Variants in VAPA observed in about 807,000 individuals in gnomAD.
The protein encoded by VAPA is VAMP associated protein A, also known as vesicle-associated membrane protein-associated protein A.
VAPA carries 6 observed loss-of-function variants against 25.6 expected under a neutral mutation model. That is an observed-to-expected ratio of 0.23 (90% CI 0.13 to 0.46). The LOEUF (loss-of-function observed/expected upper bound fraction) is 0.46, where lower values mean the gene tolerates loss of function less well. VAPA is among the 20% of genes least tolerant of loss of function. VAPA has a pLI of 0.99. For synonymous variants in VAPA, 112 were observed against 106.2 expected (o/e 1.05, Z -0.34); for missense variants, 244 against 302.1 (o/e 0.81, Z 1.43).
chr18:9,942,708 G>A (rs1398073876), intron 4 of VAPA, among the ~76,000 whole-genome samples: 2 of 152,106 alleles, frequency 1.3e-5, no homozygotes, highest in African/African-American at 2.4e-5. Flanking sequence ...GATGCCTCAC[G>A]TGGTGGGAAC....
At chr18:9,914,476 G>A (rs1192164326) in intron 1 of VAPA, 141 bp downstream of exon 1, 7 of 671,594 alleles carry the variant, frequency 1.0e-5, no homozygotes, top group Non-Finnish European at 1.6e-5. Flanking sequence ...CCCTTTCCCG[G>A]CTGCTTTCTT....
At chr18:9,938,713 T>C (rs954204160) in intron 4 of VAPA, among the ~76,000 whole-genome samples, 1 of 152,198 alleles carries the variant, frequency 6.6e-6, no homozygotes, top group African/African-American at 2.4e-5. Flanking sequence ...GAATGTATTT[T>C]CACTAATTGG....
Position 9,959,936 on chromosome 18 carries a change from T to C in VAPA, c.*5725T>C, listed in dbSNP as rs2143477269. On this transcript the variant is annotated 3_prime_UTR_variant, in exon 6 of 6. Transcript: ENST00000400000. ...TAATATGTAGATAAATATATGAGGG[T>C]ATTAAGCTACTTTGAATTAAATTTA... 6.6e-6 allele frequency: 1 copy of C among 152,198 alleles called. No individual in the cohort carries two copies. The highest frequency in any genetic ancestry group is 2.4e-5 in the African/African-American group (1 of 41,516). The allele number at this position is 152,198 out of a possible 1,614,324, so 9.4% of individuals were successfully genotyped here.
intron 4 of VAPA, among the ~76,000 whole-genome samples, chr18:9,939,969 C>CTT (rs1054948918): frequency 2.6e-5 from 4 of 152,198 alleles, no homozygotes; most frequent in Non-Finnish European, 5.9e-5. Context: ...TCATACACTA[C>CTT]TTACAATACT....
At chr18:9,937,680 C>T (rs1401665606) in intron 4 of VAPA, among the ~76,000 whole-genome samples, 3 of 152,140 alleles carry the variant, frequency 2.0e-5, no homozygotes, top group Non-Finnish European at 4.4e-5. Flanking sequence ...TTGTCCATTT[C>T]CCTGTCTGGA....
chr18:9,950,809 C>A (rs2069482254), intron 5 of VAPA: 4 of 427,296 alleles, frequency 9.4e-6, no homozygotes, highest in Admixed American at 8.4e-5. Context: ...TGCAGTATTG[C>A]CAGCTTCTGC....
At chr18:9,914,385 G>A (rs1342976180) in intron 1 of VAPA, 50 bp downstream of exon 1, 1 of 1,500,380 alleles carries the variant, frequency 6.7e-7, no homozygotes, top group Non-Finnish European at 8.9e-7. Context: ...GCGGACCGCT[G>A]GCTGTCGGCG....
chr18:9,944,936 C>G (rs2069405730), intron 4 of VAPA: 2 of 1,613,944 alleles, frequency 1.2e-6, no homozygotes, highest in Non-Finnish European at 1.7e-6. Flanking sequence ...TATAACTCCA[C>G]CAGGGAATGC....
In VAPA at chr18:9,955,241, T is replaced by C. The variant is rs1318601600; in HGVS notation, c.*1030T>C. 6.6e-6 allele frequency: 1 copy of C among 152,202 alleles called. No homozygotes were observed. The highest frequency in any genetic ancestry group is 1.5e-5 in the Non-Finnish European group (1 of 68,012). 9.4% of individuals were successfully genotyped at this position (152,202 alleles called of 1,614,324 possible). A position where few individuals can be genotyped will look rare whatever the true frequency, so the allele number is the denominator to read the frequency against. On this transcript the variant is annotated 3_prime_UTR_variant, in exon 6 of 6. Transcript: ENST00000400000. ...TACTTTTCATAATATTTCATAATAG[T>C]TAAAAGTAGGTGTTTTTTTCGTGCT...
intron 4 of VAPA, among the ~76,000 whole-genome samples, chr18:9,939,657 C>G (rs888569516): frequency 6.6e-6 from 1 of 151,850 alleles, no homozygotes; most frequent in Non-Finnish European, 1.5e-5. Flanking sequence ...CTGGTATTTC[C>G]TGTGATCGAA....
At chr18:9,925,239 T>A (rs558498362) in intron 1 of VAPA, among the ~76,000 whole-genome samples, 390 of 152,280 alleles carry the variant, frequency 2.6e-3, no homozygotes, top group African/African-American at 9.0e-3. Flanking sequence ...ATAGTATGGA[T>A]AAACTGATTG....
At chr18:9,922,065 A>C (rs1310920100) in intron 1 of VAPA, among the ~76,000 whole-genome samples, 1 of 151,916 alleles carries the variant, frequency 6.6e-6, no homozygotes, top group Non-Finnish European at 1.5e-5. Context: ...GCAGCCTTGA[A>C]CTCCAGGGCC....
At chr18:9,942,991 A>C (rs1186377506) in intron 4 of VAPA, among the ~76,000 whole-genome samples, 1 of 152,128 alleles carries the variant, frequency 6.6e-6, no homozygotes, top group Non-Finnish European at 1.5e-5. Context: ...CTTTTTATGG[A>C]TGCTGTTAAT....
In VAPA at chr18:9,956,227, G is replaced by GAT. The variant is rs993927847; in HGVS notation, c.*2019_*2020dup. On this transcript the variant is annotated 3_prime_UTR_variant, in exon 6 of 6. Transcript: ENST00000400000. ...GTAGGTAGAGGCAGAGCTGGAACTA[G>GAT]ATATCTGGTCTGTTGACTCTAGCTC... 1.1e-4 allele frequency: 17 copies of GAT among 152,288 alleles called. No individual in the cohort carries two copies. Among genetic ancestry groups the GAT allele is most frequent in the Admixed American group, 9.1e-4 (14 of 15,304 alleles). 9.4% of individuals were successfully genotyped at this position (152,288 alleles called of 1,614,324 possible).
intron 4 of VAPA, 106 bp downstream of exon 4, chr18:9,937,172 A>ACCTGT: frequency 1.3e-6 from 1 of 779,316 alleles, no homozygotes; most frequent in Admixed American, 2.7e-5. Context: ...TATGGCTATT[A>ACCTGT]CACTTCATAA....
At chr18:9,914,381 C>T (rs779574951) in intron 1 of VAPA, 46 bp downstream of exon 1, 36 of 1,509,848 alleles carry the variant, frequency 2.4e-5, no homozygotes, top group Non-Finnish European at 3.0e-5. Context: ...GCGCGCGGAC[C>T]GCTGGCTGTC....
In VAPA at chr18:9,958,791, C is replaced by G. The variant is rs1170013357; in HGVS notation, c.*4580C>G. 4 of 152,136 alleles carry G rather than the reference C, an allele frequency of 2.6e-5. No individual in the cohort carries two copies. The highest frequency in any genetic ancestry group is 9.7e-5 in the African/African-American group (4 of 41,442). The allele number at this position is 152,136 out of a possible 1,614,324, so 9.4% of individuals were successfully genotyped here. ...AAAATTGCATAAAAGCTTTGCTTGTCAAGTTAGGATTGCTGGAATACCACT... is the reference window on the plus strand; with the variant it reads ...AAAATTGCATAAAAGCTTTGCTTGTGAAGTTAGGATTGCTGGAATACCACT... On this transcript the variant is annotated 3_prime_UTR_variant, in exon 6 of 6. Transcript: ENST00000400000.
At chr18:9,918,305 C>T (rs1335987118) in intron 1 of VAPA, among the ~76,000 whole-genome samples, 4 of 152,168 alleles carry the variant, frequency 2.6e-5, no homozygotes, top group East Asian at 3.8e-4. Context: ...GACCATAACT[C>T]TTTCTAGTAT....
Position 9,914,246 on chromosome 18 carries a change from CTG to C in VAPA, c.-9_-8del. On this transcript the variant is annotated 5_prime_UTR_variant, in exon 1 of 6. Transcript: ENST00000400000. ...GCCGCGGGCGCGCCCCCGCTCTGCGCTGTCTCTCCGATGGCGTCCGCCTCAGG... is the reference window on the plus strand; with the variant it reads ...GCCGCGGGCGCGCCCCCGCTCTGCGCTCTCTCCGATGGCGTCCGCCTCAGG... 6.3e-7 allele frequency: 1 copy of C among 1,578,298 alleles called. No individual in the cohort carries two copies. The highest frequency in any genetic ancestry group is 1.4e-5 in the African/African-American group (1 of 70,860).
Sources: gnomAD v4.1 joint callset for allele counts (sites outside exome capture counted in the v4.1 genomes callset) on GRCh38, gnomAD v4.1.1 for gene constraint, MANE v1.5 for transcripts, NCBI Gene and HGNC (gene_info 2026-07-23, HGNC 2026-07-21) for gene names.